Variants in SPINK2 observed in about 807,000 individuals in gnomAD.
The protein encoded by SPINK2 is serine peptidase inhibitor Kazal type 2, also known as serine protease inhibitor Kazal-type 2.
A neutral mutation model predicts 13.5 loss-of-function variants in SPINK2; 8 were observed. The observed-to-expected ratio is 0.59, with a 90% CI of 0.35 to 1.07. SPINK2 has a LOEUF of 1.07. Among genes scored for constraint, SPINK2 ranks in the 50% least tolerant of loss-of-function variants. The pLI is 0.02. For synonymous variants in SPINK2, 76 were observed against 74.7 expected, an observed-to-expected ratio of 1.02 and a Z score of -0.09; for missense variants, 148 against 180.3, an observed-to-expected ratio of 0.82 and a Z score of 1.03.
At chr4:56,819,414 T>C (rs1240934477) in intron 2 of SPINK2, among the ~76,000 whole-genome samples, 2 of 152,074 alleles carry the variant, frequency 1.3e-5, no homozygotes, top group African/African-American at 4.8e-5. Flanking sequence ...GACTAGTCCT[T>C]ATATAAAACA....
At chr4:56,813,950 G>A (rs7682407) in intron 2 of SPINK2, among the ~76,000 whole-genome samples, 4 of 102,562 alleles carry the variant, frequency 3.9e-5, no homozygotes, top group South Asian at 3.6e-4. Flanking sequence ...TTGAGACAAA[G>A]TCTCACTCTG....
At chr4:56,816,035 C>A (rs933304151) in intron 2 of SPINK2, among the ~76,000 whole-genome samples, 1 of 151,846 alleles carries the variant, frequency 6.6e-6, no homozygotes, top group African/African-American at 2.4e-5. Flanking sequence ...CCCAGGAGTT[C>A]AAGGTTATAT....
At position 56,811,811 on chromosome 4, in the gene SPINK2, G is replaced by A. The variant is rs756975804; in HGVS notation, c.250-17C>T. The A allele has an allele frequency of 6.6e-7, 1 of 1,512,452 alleles. No homozygotes were observed. The allele number at this position is 1,512,452 out of a possible 1,614,324, so 93.7% of individuals were successfully genotyped here. ...GCAGTTTGGCTGGAAAAAAGAAAGA[G>A]AGAAATTCGAGAATGACTTGAGACA... is the stretch of plus-strand genomic sequence containing the variant. On this transcript the variant is annotated splice_polypyrimidine_tract_variant and intron_variant, in intron 2 of 3. Coordinates refer to ENST00000506738, the MANE Select transcript of SPINK2 (RefSeq NM_001271718.2).
Position 56,810,183 on chromosome 4 carries a change from C to T in SPINK2, c.361G>A (p.Glu121Lys). ...ATGATTTTAATATTATGACCACCTT[C>T]CCTGCAAATTGAACAATCATAGAAA... Reference protein sequence around the residue: ...NECTLCMKIREGGHNIKIIRN... With the variant: ...NECTLCMKIRKGGHNIKIIRN... Residue 121 changes from glutamate (E) to lysine (K), a missense_variant and splice_region_variant, in exon 4 of 4, where the codon GAA becomes AAA. Transcript: ENST00000506738. 2 of 1,607,018 alleles carry T rather than the reference C, an allele frequency of 1.2e-6. No homozygotes were observed. Among genetic ancestry groups the T allele is most frequent in the Non-Finnish European group, 1.7e-6 (2 of 1,175,930 alleles).
intron 3 of SPINK2, among the ~76,000 whole-genome samples, chr4:56,810,839 A>T (rs1462165460): frequency 6.6e-6 from 1 of 151,848 alleles, no homozygotes; most frequent in Non-Finnish European, 1.5e-5. Context: ...AAAAAGAATC[A>T]GAGAAGACCG....
intron 1 of SPINK2, among the ~76,000 whole-genome samples, chr4:56,820,851 A>C (rs1213796685): frequency 6.6e-6 from 1 of 152,178 alleles, no homozygotes; most frequent in East Asian, 1.9e-4. Context: ...TACCTTCTTT[A>C]AACTGTCCCC....
chr4:56,819,954 G>C (rs766368417), intron 2 of SPINK2, among the ~76,000 whole-genome samples: 4 of 152,084 alleles, frequency 2.6e-5, no homozygotes, highest in Non-Finnish European at 4.4e-5. Flanking sequence ...GACAGCTTCC[G>C]TAATTTCTGT....
chr4:56,817,330 A>G (rs1003710041), intron 2 of SPINK2, among the ~76,000 whole-genome samples: 1 of 152,244 alleles, frequency 6.6e-6, no homozygotes, highest in Non-Finnish European at 1.5e-5. Context: ...ATGTTCATGG[A>G]TCATAAGACT....
intron 2 of SPINK2, among the ~76,000 whole-genome samples, chr4:56,814,649 T>C (rs974573054): frequency 6.6e-6 from 1 of 151,846 alleles, no homozygotes; most frequent in Non-Finnish European, 1.5e-5. Flanking sequence ...CCTCCAAAAC[T>C]CTTTTATGAT....
chr4:56,820,654 T>TA, intron 1 of SPINK2, 75 bp from the exon 2 acceptor site: 7 of 1,313,024 alleles, frequency 5.3e-6, no homozygotes, highest in Admixed American at 1.9e-5. Context: ...TTTTTTTTTT[T>TA]TAAATGAAGT....
At chr4:56,812,666 A>G (rs17087176) in intron 2 of SPINK2, among the ~76,000 whole-genome samples, 11,246 of 149,678 alleles carry the variant, frequency 0.075, 662 homozygotes, top group South Asian at 0.3. Flanking sequence ...CTTTTTTATT[A>G]TCTAGCTTCA....
chr4:56,818,531 C>T (rs1471121887), intron 2 of SPINK2, among the ~76,000 whole-genome samples: 1 of 152,094 alleles, frequency 6.6e-6, no homozygotes, highest in African/African-American at 2.4e-5. Flanking sequence ...CGTGGTGGCA[C>T]ATGCCTGTAG....
chr4:56,811,908 A>T (rs1359190322), intron 2 of SPINK2, 114 bp from the exon 3 acceptor site: 5 of 408,140 alleles, frequency 1.2e-5, no homozygotes, highest in Non-Finnish European at 1.6e-5. Flanking sequence ...ATTTAATAAA[A>T]ATATTTTTAT....
Position 56,810,186 on chromosome 4 carries a change from T to C in SPINK2, c.360-2A>G. 3 of 1,606,322 alleles carry C rather than the reference T, an allele frequency of 1.9e-6. No individual in the cohort carries two copies. Among genetic ancestry groups the C allele is most frequent in the Non-Finnish European group, 2.6e-6 (3 of 1,175,318 alleles). ...ATTTTAATATTATGACCACCTTCCC[T>C]GCAAATTGAACAATCATAGAAATAC... is the stretch of plus-strand genomic sequence containing the variant. On this transcript the variant is annotated splice_acceptor_variant, in intron 3 of 3. Coordinates refer to ENST00000506738, the MANE Select transcript of SPINK2 (RefSeq NM_001271718.2). LOFTEE classifies it high-confidence loss of function.
At chr4:56,814,608 G>A (rs933794834) in intron 2 of SPINK2, among the ~76,000 whole-genome samples, 9 of 151,864 alleles carry the variant, frequency 5.9e-5, no homozygotes, top group Admixed American at 1.3e-4. Context: ...CAAGAGAAGT[G>A]GTTGGCATTG....
chr4:56,819,252 G>A lies in SPINK2; in HGVS notation c.249+1284C>T, dbSNP rs1015932957. Among the ~76,000 whole-genome samples the A allele has an allele frequency of 3.9e-5, 6 of 152,292 alleles. 1 individual carries two copies. The highest frequency in any genetic ancestry group is 2.0e-4 in the Admixed American group (3 of 15,286). ...GTGTATACATATCTACATCTCTAGA[G>A]GAAGGGAATCGCGTGGGAAGGCTTC... On this transcript the variant is annotated intron_variant, in intron 2 of 3. Transcript: ENST00000506738.
intron 3 of SPINK2, chr4:56,810,501 G>A: frequency 1.1e-5 from 3 of 277,766 alleles, no homozygotes; most frequent in Non-Finnish European, 2.0e-5. Context: ...TCAGGGGTTT[G>A]AGACCAGCCT....
Position 56,809,909 on chromosome 4 carries a change from C to T in SPINK2, c.*230G>A. 8.8e-7 allele frequency: 1 copy of T among 1,133,340 alleles called. No individual in the cohort carries two copies. Among genetic ancestry groups the T allele is most frequent in the African/African-American group, 1.6e-5 (1 of 62,216 alleles). The allele number at this position is 1,133,340 out of a possible 1,614,324, so 70.2% of individuals were successfully genotyped here. ...CAACTAAATAAAGCAATGCACAAGTCACCTGGGCAGTAAGCTTAACTCCAG... is the reference window on the plus strand; with the variant it reads ...CAACTAAATAAAGCAATGCACAAGTTACCTGGGCAGTAAGCTTAACTCCAG... On this transcript the variant is annotated 3_prime_UTR_variant, in exon 4 of 4. Coordinates refer to ENST00000506738, the MANE Select transcript of SPINK2 (RefSeq NM_001271718.2).
chr4:56,816,198 G>A (rs1218480804), intron 2 of SPINK2, among the ~76,000 whole-genome samples: 2 of 152,066 alleles, frequency 1.3e-5, no homozygotes, highest in African/African-American at 4.8e-5. Context: ...CACTAACAAT[G>A]AAAAATCTGA....
Sources: gnomAD v4.1 joint callset for allele counts (sites outside exome capture counted in the v4.1 genomes callset) on GRCh38, gnomAD v4.1.1 for gene constraint, MANE v1.5 for transcripts, NCBI Gene and HGNC (gene_info 2026-07-23, HGNC 2026-07-21) for gene names.